P2RX5: variants seen among roughly 807,000 people sequenced by gnomAD.
P2RX5 encodes P2X purinoceptor 5.
In P2RX5, 46 loss-of-function variants were observed where a neutral mutation model predicts 54.1. That is an observed-to-expected ratio of 0.85 (90% confidence interval 0.67 to 1.09). The LOEUF (loss-of-function observed/expected upper bound fraction) is 1.09. P2RX5 is among the 50% of genes least tolerant of loss of function. The pLI, the probability that P2RX5 is intolerant of heterozygous loss-of-function variation, is 0.00. For synonymous variants in P2RX5, 226 were observed against 226.4 expected (o/e 1.00, Z 0.02); for missense variants, 566 against 549.8 (o/e 1.03, Z -0.29).
upstream of P2RX5, among the ~76,000 whole-genome samples, chr17:3,699,874 A>AAAGAAAGAAAGGAAGGAAGGAAGGAAGG (rs1567744280): frequency 4.7e-5 from 2 of 42,706 alleles, no homozygotes; most frequent in Non-Finnish European, 5.8e-5. Context: ...AGAAAGAAAG[A>AAAGAAAGAAAGGAAGGAAGGAAGGAAGG]AAGGAAGGAA....
At chr17:3,706,654 G>A in the P2RX5 span, among the ~76,000 whole-genome samples, 4 of 152,232 alleles carry the variant, frequency 2.6e-5, no homozygotes, top group Admixed American at 2.6e-4. Context: ...GCCTTCGGGG[G>A]TCGGAGCAAG....
At position 3,689,487 on chromosome 17, in the gene P2RX5, C is replaced by G. The variant is rs768722804; in HGVS notation, c.753+5G>C. 3.7e-6 allele frequency: 6 copies of G among 1,614,016 alleles called. No individual in the cohort carries two copies. The highest frequency in any genetic ancestry group is 8.5e-7 in the Non-Finnish European group (1 of 1,179,986). Reference sequence around the variant, plus strand: ...GGGAGGGCTCCCTGCGTGCACCCCACCCACCTCCAGGGCTATATCCTGGAA... The same window carrying G: ...GGGAGGGCTCCCTGCGTGCACCCCAGCCACCTCCAGGGCTATATCCTGGAA... On this transcript the variant is annotated splice_donor_5th_base_variant and intron_variant, in intron 7 of 11. Transcript: ENST00000225328.
chr17:3,719,782 G>A, the P2RX5 span, among the ~76,000 whole-genome samples: 2 of 151,974 alleles, frequency 1.3e-5, no homozygotes, highest in Admixed American at 1.3e-4. Context: ...GGCTGGAGTG[G>A]AGTGGTGTGA....
intron 5 of P2RX5, 131 bp downstream of exon 5, chr17:3,690,296 G>A (rs1597267940): frequency 1.8e-6 from 2 of 1,116,636 alleles, no homozygotes; most frequent in South Asian, 2.5e-5. Context: ...GAGGCCGTCG[G>A]GCCTCGCTGG....
chr17:3,682,950 C>G (rs749088219), intron 9 of P2RX5: 3 of 152,112 alleles, frequency 2.0e-5, no homozygotes, highest in African/African-American at 7.3e-5. Flanking sequence ...CGCCTGAACT[C>G]GGGAGGTGGA....
intron 11 of P2RX5, chr17:3,676,667 A>C: frequency 5.9e-6 from 5 of 849,254 alleles, no homozygotes; most frequent in Non-Finnish European, 5.6e-6. Flanking sequence ...CACACAGATC[A>C]CCTTGGAATC....
upstream of P2RX5, among the ~76,000 whole-genome samples, chr17:3,698,156 C>T (rs1261181415): frequency 1.3e-5 from 2 of 152,050 alleles, no homozygotes; most frequent in African/African-American, 4.8e-5. Flanking sequence ...CTCCTCAGCC[C>T]CCTGCTAACA....
upstream of P2RX5, among the ~76,000 whole-genome samples, chr17:3,699,094 C>CACACACACACA (rs57191097): frequency 2.2e-3 from 235 of 107,006 alleles, no homozygotes; most frequent in Middle Eastern, 8.2e-3. Flanking sequence ...CACACACACA[C>CACACACACACA]CTATATATAT....
upstream of P2RX5, among the ~76,000 whole-genome samples, chr17:3,696,770 C>A (rs1026566370): frequency 6.6e-6 from 1 of 152,204 alleles, no homozygotes; most frequent in African/African-American, 2.4e-5. Context: ...CAAAACTCCC[C>A]TTTCTCTCGC....
In P2RX5 at chr17:3,696,021, G is replaced by T. The variant is rs770436538; in HGVS notation, c.-16C>A. The T allele has an allele frequency of 1.7e-5, 28 of 1,612,826 alleles. No homozygotes were observed. Among genetic ancestry groups the T allele is most frequent in the Non-Finnish European group, 2.4e-5 (28 of 1,179,408 alleles). ...CCTGCCCCATGGCGCGCTCTCAGCC[G>T]GGCTTGCGGACCGCCCGGCCCACGT... On this transcript the variant is annotated 5_prime_UTR_variant, in exon 1 of 12. Coordinates refer to ENST00000225328, the MANE Select transcript of P2RX5 (RefSeq NM_002561.4).
At chr17:3,689,924 GCGCACACACGCACACACGCGAACACA>G (rs1567737219) in intron 6 of P2RX5, 120 bp downstream of exon 6, 9 of 852,126 alleles carry the variant, frequency 1.1e-5, no homozygotes, top group South Asian at 4.0e-5. Context: ...ACACATGCAC[GCGCACACACGCACACACGCGAACACA>G]CGCACACACG....
chr17:3,705,270 C>T, the P2RX5 span, among the ~76,000 whole-genome samples: 4 of 152,156 alleles, frequency 2.6e-5, no homozygotes, highest in Middle Eastern at 3.2e-3. Flanking sequence ...TCAAATACCA[C>T]GAATGCCCGT....
chr17:3,692,259 G>A (rs894186274), intron 1 of P2RX5, among the ~76,000 whole-genome samples: 8 of 152,054 alleles, frequency 5.3e-5, no homozygotes, highest in Non-Finnish European at 1.2e-4. Context: ...AGAGCTTGCA[G>A]TAAGCAGAGA....
At chr17:3,697,145 T>TG (rs1440059559), upstream of P2RX5, among the ~76,000 whole-genome samples, 5 of 10,060 alleles carry the variant, frequency 5.0e-4, no homozygotes, top group Admixed American at 6.3e-4. Flanking sequence ...GGTGCGGGGG[T>TG]GGGGGGCAGA....
chr17:3,717,235 T>C, the P2RX5 span: 1 of 161,864 alleles, frequency 6.2e-6, no homozygotes, highest in South Asian at 1.6e-4. Context: ...AACTCCGTTC[T>C]GACGGCTCTT....
the P2RX5 span, among the ~76,000 whole-genome samples, chr17:3,709,813 G>A: frequency 1.3e-5 from 2 of 152,166 alleles, no homozygotes; most frequent in Non-Finnish European, 2.9e-5. Context: ...GGGGGCTGAG[G>A]CAGGAGAATC....
upstream of P2RX5, chr17:3,696,440 T>C: frequency 6.5e-6 from 1 of 153,496 alleles, no homozygotes; most frequent in East Asian, 1.9e-4. Flanking sequence ...CTCCTTTTTA[T>C]TTTATTTTAA....
chr17:3,710,373 G>GCCGA, the P2RX5 span, among the ~76,000 whole-genome samples: 2 of 151,880 alleles, frequency 1.3e-5, no homozygotes, highest in South Asian at 4.2e-4. Context: ...GTTGCAGTGA[G>GCCGA]CCGAGATCAT....
In P2RX5 at chr17:3,691,778, T is replaced by C. The variant is rs1430758683; in HGVS notation, c.154A>G (p.Lys52Glu). The change falls in exon 2 of 12, where the codon AAG becomes GAG. Residue 52 changes from lysine to glutamate, a missense_variant. By Grantham distance (56) the Lys-to-Glu change is moderately conservative. Coordinates refer to ENST00000225328, the MANE Select transcript of P2RX5 (RefSeq NM_002561.4). Reference protein sequence around the residue: ...AYLVVWVFLIKKGYQDVDTSL... With the variant: ...AYLVVWVFLIEKGYQDVDTSL... ...GTGTCGACGTCTTGGTAACCCTTCT[T>C]TATCAGGAACACCCATCTGTGGGAA... 7 of 1,614,142 alleles carry C rather than the reference T, an allele frequency of 4.3e-6. No individual in the cohort carries two copies. Among genetic ancestry groups the C allele is most frequent in the Non-Finnish European group, 5.9e-6 (7 of 1,180,028 alleles).
Sources: allele counts gnomAD v4.1 joint callset (sites outside exome capture counted in the v4.1 genomes callset), GRCh38; gene constraint gnomAD v4.1.1; transcripts MANE v1.5; gene names NCBI Gene and HGNC (gene_info 2026-07-23, HGNC 2026-07-21).